The following CAMK2D variants were observed in gnomAD, a reference collection of about 807,000 sequenced individuals.
CAMK2D encodes the protein calcium/calmodulin dependent protein kinase II delta.
Under a neutral mutation model 84.0 loss-of-function variants are expected in CAMK2D, and 37 were observed. The ratio of observed to expected loss-of-function variants is 0.44; its 90% CI spans 0.34 to 0.58. The LOEUF (loss-of-function observed/expected upper bound fraction) is 0.58, where lower values mean the gene tolerates loss of function less well. Ranked by LOEUF, CAMK2D falls within the 20% of genes least tolerant of loss-of-function variation. The pLI is 0.02. For synonymous variants in CAMK2D, 202 were observed against 212.5 expected (o/e 0.95, Z 0.43); for missense variants, 448 against 652.5 (o/e 0.69, Z 3.41).
At chr4:113,476,436 C>T (rs2097621344) in intron 16 of CAMK2D, among the ~76,000 whole-genome samples, 2 of 151,974 alleles carry the variant, frequency 1.3e-5, no homozygotes, top group African/African-American at 4.8e-5. Context: ...TGCTTTTAAC[C>T]TCACAAGCTA....
intron 8 of CAMK2D, among the ~76,000 whole-genome samples, chr4:113,525,702 T>C (rs1343485037): frequency 6.6e-6 from 1 of 152,226 alleles, no homozygotes; most frequent in Non-Finnish European, 1.5e-5. Flanking sequence ...TGCTTCACTC[T>C]GCTCTGCTGT....
At chr4:113,717,775 C>CTTAATATTTAAGAATTAAATAATT (rs2099518116) in intron 2 of CAMK2D, among the ~76,000 whole-genome samples, 1 of 151,844 alleles carries the variant, frequency 6.6e-6, no homozygotes, top group Non-Finnish European at 1.5e-5. Context: ...AATAATTAAA[C>CTTAATATTTAAGAATTAAATAATT]CTTAAAGCTA....
intron 2 of CAMK2D, among the ~76,000 whole-genome samples, chr4:113,705,176 A>C (rs2099442462): frequency 2.0e-5 from 3 of 151,290 alleles, no homozygotes; most frequent in African/African-American, 7.3e-5. Flanking sequence ...AAAAAAAAAA[A>C]ATTAGCCGGG....
chr4:113,562,866 A>G (rs912432498), intron 4 of CAMK2D, among the ~76,000 whole-genome samples: 5 of 152,224 alleles, frequency 3.3e-5, no homozygotes, highest in African/African-American at 1.2e-4. Context: ...AATTTAATGA[A>G]TGCCTGCAAA....
chr4:113,607,057 A>T (rs975392944), intron 4 of CAMK2D, among the ~76,000 whole-genome samples: 7 of 152,154 alleles, frequency 4.6e-5, no homozygotes, highest in African/African-American at 1.7e-4. Context: ...AATAAAGGGG[A>T]AATCGAGACA....
At chr4:113,704,508 G>A (rs1382490510) in intron 2 of CAMK2D, among the ~76,000 whole-genome samples, 1 of 151,768 alleles carries the variant, frequency 6.6e-6, no homozygotes, top group African/African-American at 2.4e-5. Context: ...ATATTGTAAT[G>A]TATACCAACA....
At chr4:113,583,559 G>T (rs2098820393) in intron 4 of CAMK2D, among the ~76,000 whole-genome samples, 1 of 152,162 alleles carries the variant, frequency 6.6e-6, no homozygotes, top group South Asian at 2.1e-4. Flanking sequence ...CGAGGGAGCA[G>T]GATTCCTCTG....
chr4:113,469,475 C>A (rs1265114170), intron 16 of CAMK2D, among the ~76,000 whole-genome samples: 2 of 152,182 alleles, frequency 1.3e-5, no homozygotes, highest in African/African-American at 4.8e-5. Context: ...CTTCTAAAGA[C>A]TCAATTTGAG....
intron 16 of CAMK2D, among the ~76,000 whole-genome samples, chr4:113,466,958 A>G (rs1159064469): frequency 6.6e-6 from 1 of 152,160 alleles, no homozygotes; most frequent in East Asian, 1.9e-4. Flanking sequence ...AGAACATTTT[A>G]TTTTCTTGTA....
chr4:113,742,926 T>C (rs531104985), intron 2 of CAMK2D, among the ~76,000 whole-genome samples: 1 of 152,244 alleles, frequency 6.6e-6, no homozygotes, highest in African/African-American at 2.4e-5. Context: ...TGTACAACCC[T>C]GAGCCATCAA....
At chr4:113,631,645 G>A (rs2099090131) in intron 3 of CAMK2D, among the ~76,000 whole-genome samples, 1 of 152,128 alleles carries the variant, frequency 6.6e-6, no homozygotes, top group Admixed American at 6.6e-5. Flanking sequence ...ATGTTAGCTG[G>A]GTAACTATTG....
rs568383728 is a variant in CAMK2D, at chr4:113,594,802, G to A, written c.275+14350C>T. 3.3e-5 allele frequency among the ~76,000 whole-genome samples: 5 copies of A among 152,262 alleles called. No homozygotes were observed. In the South Asian group the frequency reaches 6.2e-4, roughly 19 times the overall value. ...TCCAAGACAACTTAGATTGTGGGAC[G>A]ATGACAAAAAGTGTAAATATGTGTA... On this transcript the variant is annotated intron_variant, in intron 4 of 20. Transcript: ENST00000511664.
intron 16 of CAMK2D, among the ~76,000 whole-genome samples, chr4:113,498,891 C>T (rs915388698): frequency 6.6e-6 from 1 of 152,160 alleles, no homozygotes; most frequent in African/African-American, 2.4e-5. Flanking sequence ...AGAAAGACCA[C>T]TTATTAAAAC....
At chr4:113,720,873 T>C (rs1263429001) in intron 2 of CAMK2D, among the ~76,000 whole-genome samples, 3 of 152,130 alleles carry the variant, frequency 2.0e-5, no homozygotes, top group Non-Finnish European at 4.4e-5. Flanking sequence ...CCCAATTGTA[T>C]TACCAGTGCA....
chr4:113,493,708 A>C (rs1203027995), intron 16 of CAMK2D, among the ~76,000 whole-genome samples: 4 of 152,092 alleles, frequency 2.6e-5, no homozygotes, highest in Non-Finnish European at 4.4e-5. Flanking sequence ...AGATTGGGGA[A>C]GTTCTCCTGG....
At chr4:113,605,408 C>G (rs1418875491) in intron 4 of CAMK2D, among the ~76,000 whole-genome samples, 2 of 152,296 alleles carry the variant, frequency 1.3e-5, no homozygotes, top group East Asian at 3.9e-4. Flanking sequence ...TAATCTCTCT[C>G]TTGTTTAATT....
In CAMK2D at chr4:113,457,355, C is replaced by T. The variant is rs764984689; in HGVS notation, c.1515G>A (p.Gly505=). The change falls in exon 19 of 21, where the codon GGG becomes GGA. Residue 505 remains glycine (G), a synonymous_variant. Coordinates refer to ENST00000511664, the MANE Select transcript of CAMK2D (RefSeq NM_001321571.2). ...KWQNVHFHRS[G]SPTVPIKPPC... ...TTTACTTGATGGGTACTGTTGGTGA[C>T]CCCGAGCGATGAAAATGAACATTCT... 4.3e-6 allele frequency: 7 copies of T among 1,613,658 alleles called. No individual in the cohort carries two copies.
chr4:113,605,459 TG>T lies in CAMK2D; in HGVS notation c.275+3692del, dbSNP rs1397958848. 2.0e-5 allele frequency among the ~76,000 whole-genome samples: 3 copies of T among 152,316 alleles called. No individual in the cohort carries two copies. The East Asian group carries it at 5.8e-4, about 29-fold the overall frequency. ...CTGAACCTAAAAGGACAGAAAAAAG[TG>T]TTTCCTCCCTGACCAAGCTGTGATC... is the stretch of plus-strand genomic sequence containing the variant. On this transcript the variant is annotated intron_variant, in intron 4 of 20. Transcript: ENST00000511664.
intron 2 of CAMK2D, among the ~76,000 whole-genome samples, chr4:113,735,635 T>G (rs900012539): frequency 6.6e-6 from 1 of 152,206 alleles, no homozygotes; most frequent in Admixed American, 6.5e-5. Flanking sequence ...GGGTTATTAT[T>G]CTAGCTGTAG....
Sources: gnomAD v4.1 joint callset for allele counts (sites outside exome capture counted in the v4.1 genomes callset) on GRCh38, gnomAD v4.1.1 for gene constraint, MANE v1.5 for transcripts, NCBI Gene and HGNC (gene_info 2026-07-23, HGNC 2026-07-21) for gene names.